The following SP140 variants were observed in gnomAD, a reference collection of about 807,000 sequenced individuals.
SP140 encodes SP140 nuclear body protein, also known as nuclear body protein SP140.
A neutral mutation model predicts 125.0 loss-of-function variants in SP140; 81 were observed. The ratio of observed to expected loss-of-function variants is 0.65; its 90% CI spans 0.54 to 0.78. The LOEUF (loss-of-function observed/expected upper bound fraction) is 0.78. Among genes scored for constraint, SP140 ranks in the 30% least tolerant of loss-of-function variants. The pLI is 0.00. For missense variants in SP140, 858 were observed against 1,037.0 expected, an observed-to-expected ratio of 0.83 and a Z score of 2.37; for synonymous variants, 312 against 354.0, an observed-to-expected ratio of 0.88 and a Z score of 1.33.
the SP140 span, among the ~76,000 whole-genome samples, chr2:230,190,364 G>T: frequency 6.6e-6 from 1 of 151,608 alleles, no homozygotes; most frequent in Non-Finnish European, 1.5e-5. Flanking sequence ...TTTTTGAGAA[G>T]TGTCTGTTCA....
upstream of SP140, chr2:230,225,701 G>A: frequency 1.4e-6 from 1 of 719,334 alleles, no homozygotes; most frequent in Non-Finnish European, 2.5e-6. Flanking sequence ...TAGAGTTGGT[G>A]CACCCACGTC....
intron 12 of SP140, among the ~76,000 whole-genome samples, chr2:230,265,913 T>G (rs891689101): frequency 1.1e-4 from 16 of 151,960 alleles, no homozygotes; most frequent in Admixed American, 8.5e-4. Context: ...AGGATTATGA[T>G]AAAGGAGAAA....
At chr2:230,266,890 G>C (rs1464086485) in intron 12 of SP140, among the ~76,000 whole-genome samples, 1 of 152,126 alleles carries the variant, frequency 6.6e-6, no homozygotes, top group Non-Finnish European at 1.5e-5. Flanking sequence ...CTCTTAAAAG[G>C]CTCATAAGGT....
At position 230,286,649 on chromosome 2, in the gene SP140, A is replaced by T. The variant is rs913497854; in HGVS notation, c.1645+817A>T. Among the ~76,000 whole-genome samples the T allele has an allele frequency of 7.9e-5, 12 of 152,216 alleles. No individual in the cohort carries two copies. In the East Asian group the frequency reaches 9.6e-4, roughly 12 times the overall value. On this transcript the variant is annotated intron_variant, in intron 17 of 26. Transcript: ENST00000392045. Reference sequence around the variant, plus strand: ...CTTATTTTGAAAGAAATAGAGCTTTACTTCTACAACCTGGATGTGAGTGAA... The same window carrying T: ...CTTATTTTGAAAGAAATAGAGCTTTTCTTCTACAACCTGGATGTGAGTGAA...
chr2:230,283,344 T>G (rs1406294535), intron 15 of SP140, among the ~76,000 whole-genome samples: 1 of 152,216 alleles, frequency 6.6e-6, no homozygotes, highest in Admixed American at 6.5e-5. Flanking sequence ...TTGCCCTAAT[T>G]ATCTCCTTTT....
chr2:230,214,756 G>C (rs2044913411), intron 3 of SP140, among the ~76,000 whole-genome samples: 1 of 152,086 alleles, frequency 6.6e-6, no homozygotes, highest in African/African-American at 2.4e-5. Context: ...TCCTCTAGAA[G>C]TTCATCTTAG....
At chr2:230,299,538 A>C (rs1188978143) in intron 22 of SP140, among the ~76,000 whole-genome samples, 4 of 152,198 alleles carry the variant, frequency 2.6e-5, no homozygotes, top group Non-Finnish European at 5.9e-5. Flanking sequence ...CATGGGGAGA[A>C]GGAGGCTTCC....
At chr2:230,207,784 T>A (rs1458978090) in intron 1 of SP140, among the ~76,000 whole-genome samples, 1 of 152,196 alleles carries the variant, frequency 6.6e-6, no homozygotes, top group East Asian at 1.9e-4. Flanking sequence ...TGCCCCAAAA[T>A]GGCTGCCCTG....
chr2:230,235,028 G>T, intron 1 of SP140: 1 of 152,258 alleles, frequency 6.6e-6, no homozygotes. Flanking sequence ...TAATGAGATG[G>T]GCTTGCAAAC....
chr2:230,298,121 T>C (rs2057931128), intron 22 of SP140, among the ~76,000 whole-genome samples: 1 of 152,204 alleles, frequency 6.6e-6, no homozygotes, highest in Non-Finnish European at 1.5e-5. Flanking sequence ...GCTTATCTGG[T>C]GCTCAGTACT....
At chr2:230,203,254 G>A (rs866791577) in exon 1 of SP140, 1 of 174,268 alleles carries the variant, frequency 5.7e-6, no homozygotes, top group East Asian at 1.5e-4. Context: ...AGACCCAGAG[G>A]AGGTGCAATG....
At chr2:230,296,913 C>G (rs550948881) in intron 21 of SP140, among the ~76,000 whole-genome samples, 1 of 152,276 alleles carries the variant, frequency 6.6e-6, no homozygotes, top group Non-Finnish European at 1.5e-5. Context: ...TACTTGCACA[C>G]TTTTTATTCT....
intron 1 of SP140, chr2:230,212,929 G>T (rs2044656020): frequency 6.2e-7 from 1 of 1,614,108 alleles, no homozygotes; most frequent in Non-Finnish European, 8.5e-7. Flanking sequence ...GGTGGGGGCA[G>T]CGCCAGTGGG....
chr2:230,314,413 TGTGTCTGGGA>T (rs2059467895), downstream of SP140, among the ~76,000 whole-genome samples: 1 of 152,194 alleles, frequency 6.6e-6, no homozygotes, highest in Non-Finnish European at 1.5e-5. Flanking sequence ...GCAAGGAGAT[TGTGTCTGGGA>T]GTGGATCCTG....
intron 1 of SP140, among the ~76,000 whole-genome samples, chr2:230,210,933 G>A (rs1175989999): frequency 1.3e-5 from 2 of 152,210 alleles, no homozygotes; most frequent in Non-Finnish European, 2.9e-5. Flanking sequence ...CAGTCAGGTG[G>A]GGGCTTGGAA....
At chr2:230,275,305 G>A (rs13382790) in intron 15 of SP140, among the ~76,000 whole-genome samples, 1,986 of 150,060 alleles carry the variant, frequency 0.013, 47 homozygotes, top group African/African-American at 0.046. Context: ...ACAACCCTGT[G>A]TCAAAAAAAG....
At chr2:230,243,239 T>G (rs1214900039) in intron 4 of SP140, among the ~76,000 whole-genome samples, 1 of 152,218 alleles carries the variant, frequency 6.6e-6, no homozygotes, top group Non-Finnish European at 1.5e-5. Flanking sequence ...CCATTTACCC[T>G]TCTCCAATCC....
Position 230,294,309 on chromosome 2 carries a change from GA to G in SP140, c.2015del (p.Lys672ArgfsTer4), listed in dbSNP as rs746109620. 20 of 1,605,606 alleles carry G rather than the reference GA, an allele frequency of 1.2e-5. No homozygotes were observed. The highest frequency in any genetic ancestry group is 2.2e-5 in the East Asian group (1 of 44,794). ...CTGATCCTCCAAGAATACGTTACAG[GA>G]AAAAAAAGGTGATTATTACATAGCT... is the stretch of plus-strand genomic sequence containing the variant. ...LPDPPRIRYRKKKRILKSQNN... is the reference protein window; with the variant it reads ...LPDPPRIRYRXKKRILKSQNN... On this transcript the variant is annotated frameshift_variant, in exon 21 of 27. Coordinates refer to ENST00000392045, the MANE Select transcript of SP140 (RefSeq NM_007237.5). LOFTEE classifies it high-confidence loss of function.
rs751322921 is a variant in SP140, at chr2:230,238,872, G to A, written c.406+491G>A. ...GGTACACTGAGGAGGAGCTGCATGT[G>A]AAAGCTATGAAGACAGAAAAGGGGG... is the stretch of plus-strand genomic sequence containing the variant. On this transcript the variant is annotated intron_variant, in intron 3 of 26. Transcript: ENST00000392045. The A allele has an allele frequency of 1.2e-5, 19 of 1,552,126 alleles. No individual in the cohort carries two copies. In the East Asian group the frequency reaches 4.6e-4, roughly 38 times the overall value.
Sources: gnomAD v4.1 joint callset for allele counts (sites outside exome capture counted in the v4.1 genomes callset) on GRCh38, gnomAD v4.1.1 for gene constraint, MANE v1.5 for transcripts, NCBI Gene and HGNC (gene_info 2026-07-23, HGNC 2026-07-21) for gene names.